KCNIP4: variants seen among roughly 807,000 people sequenced by gnomAD.
KCNIP4 encodes the protein Kv channel-interacting protein 4.
KCNIP4 carries 12 observed loss-of-function variants against 34.0 expected under a neutral mutation model. The ratio of observed to expected loss-of-function variants is 0.35; its 90% CI spans 0.23 to 0.57. The LOEUF (loss-of-function observed/expected upper bound fraction) is 0.57, where lower values mean the gene tolerates loss of function less well. Ranked by LOEUF, KCNIP4 falls within the 20% of genes least tolerant of loss-of-function variation. The pLI is 0.83. For missense variants in KCNIP4, 238 were observed against 311.7 expected (o/e 0.76, Z 1.78); for synonymous variants, 124 against 102.2 (o/e 1.21, Z -1.29).
intron 1 of KCNIP4, among the ~76,000 whole-genome samples, chr4:21,109,333 T>A (rs1413905838): frequency 6.6e-6 from 1 of 152,194 alleles, no homozygotes; most frequent in Non-Finnish European, 1.5e-5. Flanking sequence ...GCCTCGCTGC[T>A]GCCTTGCAGT....
Position 20,737,762 on chromosome 4 carries a change from A to G in KCNIP4, c.430-3027T>C, listed in dbSNP as rs140218692. On this transcript the variant is annotated intron_variant, in intron 5 of 8. Transcript: ENST00000382152. Reference sequence around the variant, plus strand: ...TCAAATTATTTCCCTGCCATATTTTAGAAAATTATTTATGACATAGAATGT... The same window carrying G: ...TCAAATTATTTCCCTGCCATATTTTGGAAAATTATTTATGACATAGAATGT... 1.5e-4 allele frequency among the ~76,000 whole-genome samples: 23 copies of G among 152,328 alleles called. No individual in the cohort carries two copies. The East Asian group carries it at 4.4e-3, about 29-fold the overall frequency.
At chr4:20,868,930 C>T (rs1164141013) in intron 2 of KCNIP4, among the ~76,000 whole-genome samples, 1 of 151,982 alleles carries the variant, frequency 6.6e-6, no homozygotes, top group East Asian at 1.9e-4. Flanking sequence ...GCAATACTCC[C>T]ATGTAACAAA....
At chr4:21,947,926 C>T (rs910547623) in intron 1 of KCNIP4, among the ~76,000 whole-genome samples, 22 of 152,244 alleles carry the variant, frequency 1.4e-4, no homozygotes, top group African/African-American at 5.3e-4. Flanking sequence ...GCAGAACGCA[C>T]GTTTCTCTGA....
chr4:21,339,288 G>A (rs1037143160), intron 1 of KCNIP4, among the ~76,000 whole-genome samples: 1 of 152,166 alleles, frequency 6.6e-6, no homozygotes, highest in Non-Finnish European at 1.5e-5. Context: ...GAAGGCAATT[G>A]TTTCAGAGAA....
rs191880882 is a variant in KCNIP4, at chr4:21,074,798, C to A, written c.62-192089G>T. Among the ~76,000 whole-genome samples the A allele has an allele frequency of 3.2e-3, 491 of 152,312 alleles. 2 individuals are homozygous for A. The highest frequency in any genetic ancestry group is 0.011 in the African/African-American group (448 of 41,574). ...TTAGTGCTATAAATTTCCCTCTACA[C>A]ACTGCTTTAAATGTGTCCCAGAGAT... On this transcript the variant is annotated intron_variant, in intron 1 of 8. Transcript: ENST00000382152.
At chr4:21,282,235 C>T (rs77751465) in intron 1 of KCNIP4, among the ~76,000 whole-genome samples, 7,961 of 152,170 alleles carry the variant, frequency 0.052, 231 homozygotes, top group African/African-American at 0.077. Flanking sequence ...ATTTTTCTTA[C>T]GTTAATTCAT....
chr4:21,559,013 G>A (rs913521480), intron 1 of KCNIP4, among the ~76,000 whole-genome samples: 2 of 152,078 alleles, frequency 1.3e-5, no homozygotes, highest in Non-Finnish European at 2.9e-5. Flanking sequence ...TAGTGAATAA[G>A]AACATAGGCT....
chr4:20,818,169 A>G (rs1716647932), intron 3 of KCNIP4, among the ~76,000 whole-genome samples: 5 of 152,190 alleles, frequency 3.3e-5, no homozygotes, highest in Admixed American at 3.3e-4. Flanking sequence ...TAGAGATAGG[A>G]AATTTGAGGT....
intron 1 of KCNIP4, among the ~76,000 whole-genome samples, chr4:20,922,792 A>G (rs1276991901): frequency 6.6e-6 from 1 of 152,216 alleles, no homozygotes; most frequent in Non-Finnish European, 1.5e-5. Flanking sequence ...CAAGATGCCT[A>G]CAGCCTAAGA....
chr4:21,589,361 C>CAT (rs576437597), intron 1 of KCNIP4, among the ~76,000 whole-genome samples: 21 of 143,734 alleles, frequency 1.5e-4, no homozygotes, highest in African/African-American at 3.1e-4. Context: ...TATATATGTA[C>CAT]ATATATATAT....
intron 1 of KCNIP4, among the ~76,000 whole-genome samples, chr4:21,384,322 G>T (rs1369369754): frequency 1.3e-5 from 2 of 152,060 alleles, no homozygotes; most frequent in Non-Finnish European, 2.9e-5. Flanking sequence ...AACTCTATGG[G>T]AGTAGAAGTC....
At chr4:21,259,885 C>CTCTGTGTGTGTGTG (rs3221673) in intron 1 of KCNIP4, among the ~76,000 whole-genome samples, 1 of 145,906 alleles carries the variant, frequency 6.9e-6, no homozygotes, top group Non-Finnish European at 1.5e-5. Flanking sequence ...GCGCCCAAGA[C>CTCTGTGTGTGTGTG]TGTGTGTGTG....
intron 1 of KCNIP4, among the ~76,000 whole-genome samples, chr4:21,227,496 A>G (rs767498106): frequency 5.9e-5 from 9 of 152,092 alleles, no homozygotes; most frequent in Non-Finnish European, 1.0e-4. Flanking sequence ...TTTTTGAAGC[A>G]TGCAAATGGT....
chr4:20,994,490 G>A (rs1158554170), intron 1 of KCNIP4, among the ~76,000 whole-genome samples: 1 of 152,166 alleles, frequency 6.6e-6, no homozygotes, highest in African/African-American at 2.4e-5. Flanking sequence ...AAAGGACTTT[G>A]AGGAAAGTAC....
At chr4:20,773,196 C>A (rs1756066987) in intron 3 of KCNIP4, among the ~76,000 whole-genome samples, 1 of 152,154 alleles carries the variant, frequency 6.6e-6, no homozygotes, top group Non-Finnish European at 1.5e-5. Context: ...GAATAAGTTA[C>A]TAAACTTCTT....
chr4:21,816,239 T>C (rs1309671617), intron 1 of KCNIP4, among the ~76,000 whole-genome samples: 1 of 152,204 alleles, frequency 6.6e-6, no homozygotes, highest in Non-Finnish European at 1.5e-5. Context: ...CATAATGCTG[T>C]TATACAAAAC....
At chr4:21,321,800 G>A in intron 1 of KCNIP4, among the ~76,000 whole-genome samples, 1 of 142,300 alleles carries the variant, frequency 7.0e-6, no homozygotes. Flanking sequence ...GAAGGAGGGA[G>A]GGAGAAGAGG....
At chr4:21,374,834 T>C (rs895166352) in intron 1 of KCNIP4, among the ~76,000 whole-genome samples, 4 of 147,546 alleles carry the variant, frequency 2.7e-5, no homozygotes, top group Non-Finnish European at 4.4e-5. Context: ...GAGTGTAGCT[T>C]GGTGACAGCT....
intron 1 of KCNIP4, among the ~76,000 whole-genome samples, chr4:21,127,011 C>T (rs542702245): frequency 2.0e-5 from 3 of 152,292 alleles, no homozygotes; most frequent in African/African-American, 7.2e-5. Context: ...CTGAAATGCT[C>T]TTTCTGTTCC....
Sources: gnomAD v4.1 joint callset for allele counts (sites outside exome capture counted in the v4.1 genomes callset) on GRCh38, gnomAD v4.1.1 for gene constraint, MANE v1.5 for transcripts, NCBI Gene and HGNC (gene_info 2026-07-23, HGNC 2026-07-21) for gene names.